GPR158: variants seen among roughly 807,000 people sequenced by gnomAD.
The protein encoded by GPR158 is G protein-coupled receptor 158, also known as metabotropic glycine receptor.
A neutral mutation model predicts 78.2 loss-of-function variants in GPR158; 30 were observed. The ratio of observed to expected loss-of-function variants is 0.38; its 90% CI spans 0.29 to 0.52. GPR158 has a LOEUF of 0.52. GPR158 is among the 20% of genes least tolerant of loss of function. The probability of loss-of-function intolerance (pLI) is 0.83; values close to 1 mark genes in which losing one functional copy is unlikely to be tolerated. For missense variants in GPR158, 1,463 were observed against 1,523.5 expected (o/e 0.96, Z 0.66); for synonymous variants, 581 against 591.1 (o/e 0.98, Z 0.25).
intron 5 of GPR158, among the ~76,000 whole-genome samples, chr10:25,511,446 T>G (rs1334550576): frequency 1.3e-5 from 2 of 152,202 alleles, no homozygotes; most frequent in African/African-American, 4.8e-5. Flanking sequence ...TATTAGTCCT[T>G]TGTCAGATGT....
At chr10:25,376,540 C>G (rs1323867487) in intron 2 of GPR158, among the ~76,000 whole-genome samples, 1 of 151,596 alleles carries the variant, frequency 6.6e-6, no homozygotes, top group Non-Finnish European at 1.5e-5. Context: ...GTGATTTAAA[C>G]CATACATATT....
intron 5 of GPR158, among the ~76,000 whole-genome samples, chr10:25,518,030 A>G (rs1836207078): frequency 1.0e-5 from 1 of 96,196 alleles, no homozygotes; most frequent in Non-Finnish European, 2.0e-5. Context: ...TAAACTATTG[A>G]TTATTGCCAC....
chr10:25,504,311 TG>T (rs1403381449), intron 5 of GPR158, among the ~76,000 whole-genome samples: 1 of 152,216 alleles, frequency 6.6e-6, no homozygotes, highest in Non-Finnish European at 1.5e-5. Context: ...AGTGAATTAG[TG>T]GGGCTGCCCA....
At chr10:25,192,553 G>A (rs1033697631) in intron 1 of GPR158, among the ~76,000 whole-genome samples, 1 of 152,032 alleles carries the variant, frequency 6.6e-6, no homozygotes, top group East Asian at 1.9e-4. Flanking sequence ...GTAACTCTGT[G>A]GCTCAATTCC....
At chr10:25,586,083 C>G (rs10764565) in intron 7 of GPR158, among the ~76,000 whole-genome samples, 44,329 of 151,994 alleles carry the variant, frequency 0.29, 6,924 homozygotes, top group East Asian at 0.49. Context: ...CGTCGTGTTA[C>G]ATATATATTA....
At chr10:25,490,483 C>T (rs1195471769) in intron 5 of GPR158, among the ~76,000 whole-genome samples, 2 of 120,196 alleles carry the variant, frequency 1.7e-5, no homozygotes, top group Non-Finnish European at 3.4e-5. Flanking sequence ...TGATATTCCC[C>T]TTCCTGTGTC....
chr10:25,563,028 G>T (rs1836878773), intron 6 of GPR158, among the ~76,000 whole-genome samples: 1 of 151,934 alleles, frequency 6.6e-6, no homozygotes, highest in South Asian at 2.1e-4. Flanking sequence ...ATTATATAAT[G>T]TCATTTTTTG....
chr10:25,229,051 A>C (rs1462472832), intron 2 of GPR158, among the ~76,000 whole-genome samples: 1 of 151,478 alleles, frequency 6.6e-6, no homozygotes, highest in African/African-American at 2.4e-5. Flanking sequence ...AAAAAAAAAA[A>C]GATGATTTGT....
rs112484804 is a variant in GPR158 at position 25,361,104 on chromosome 10, C to T, written c.1009-34807C>T. Among the ~76,000 whole-genome samples, 988 of 151,800 alleles carry T rather than the reference C, an allele frequency of 6.5e-3. 10 individuals are homozygous for T. The highest frequency in any genetic ancestry group is 0.022 in the African/African-American group (915 of 41,434). ...CTCTCTTTTTCCCCTTTCTCCTTGCCGCTGGTAATAACCATTCTACTACTT... is the reference window on the plus strand; with the variant it reads ...CTCTCTTTTTCCCCTTTCTCCTTGCTGCTGGTAATAACCATTCTACTACTT... On this transcript the variant is annotated intron_variant, in intron 2 of 10. Coordinates refer to ENST00000376351, the MANE Select transcript of GPR158 (RefSeq NM_020752.3).
intron 2 of GPR158, among the ~76,000 whole-genome samples, chr10:25,353,052 C>T (rs1265121235): frequency 6.6e-6 from 1 of 151,986 alleles, no homozygotes; most frequent in Non-Finnish European, 1.5e-5. Context: ...CTTAATATTA[C>T]AGTATTGCCG....
chr10:25,399,921 C>T (rs780512978), intron 3 of GPR158, among the ~76,000 whole-genome samples: 96 of 152,068 alleles, frequency 6.3e-4, no homozygotes, highest in Admixed American at 1.4e-3. Context: ...CCACATGTAG[C>T]CCTTGAACCA....
intron 1 of GPR158, among the ~76,000 whole-genome samples, chr10:25,192,764 T>TA (rs35751694): frequency 0.011 from 1,442 of 133,250 alleles, 9 homozygotes; most frequent in Middle Eastern, 0.023. Context: ...TGAAGTATAA[T>TA]AAAAAAAAGG....
intron 4 of GPR158, among the ~76,000 whole-genome samples, chr10:25,442,035 A>G (rs1835074922): frequency 6.6e-6 from 1 of 152,166 alleles, no homozygotes; most frequent in Admixed American, 6.6e-5. Context: ...AAGGAGCTAG[A>G]AGGACATTTT....
chr10:25,447,089 T>C, intron 4 of GPR158, among the ~76,000 whole-genome samples: 1 of 152,342 alleles, frequency 6.6e-6, no homozygotes, highest in East Asian at 1.9e-4. Flanking sequence ...AATAATTCAC[T>C]CATATCAATT....
chr10:25,570,596 A>G (rs1836992409), intron 6 of GPR158, among the ~76,000 whole-genome samples: 1 of 152,204 alleles, frequency 6.6e-6, no homozygotes. Context: ...TTTCCAAAGC[A>G]TTCAAGAGAG....
rs1356240464 is a variant in GPR158 at position 25,600,452 on chromosome 10, C to G, written c.*1178C>G. The stretch of plus-strand genomic sequence containing the variant: ...GCCTTTCAAAAAAAAACACAGGTAG[C>G]TCCTGATAGCACTTTCAAGGGATTA... On this transcript the variant is annotated 3_prime_UTR_variant, in exon 11 of 11. Transcript: ENST00000376351. 1 of 152,130 alleles carries G rather than the reference C, an allele frequency of 6.6e-6. No individual in the cohort carries two copies. The highest frequency in any genetic ancestry group is 1.5e-5 in the Non-Finnish European group (1 of 67,996). 9.4% of individuals were successfully genotyped at this position (152,130 alleles called of 1,614,324 possible). A position where few individuals can be genotyped will look rare whatever the true frequency, so the allele number is the denominator to read the frequency against.
intron 2 of GPR158, among the ~76,000 whole-genome samples, chr10:25,274,631 C>T (rs529515706): frequency 5.9e-5 from 9 of 152,202 alleles, no homozygotes; most frequent in East Asian, 1.9e-4. Context: ...TCCACACTTA[C>T]GATATATCTA....
At chr10:25,515,294 T>C (rs981532855) in intron 5 of GPR158, among the ~76,000 whole-genome samples, 1 of 152,138 alleles carries the variant, frequency 6.6e-6, no homozygotes, top group Non-Finnish European at 1.5e-5. Context: ...GCTGAGACTT[T>C]CCAGTGCATT....
intron 4 of GPR158, among the ~76,000 whole-genome samples, chr10:25,459,706 C>G (rs1032116657): frequency 6.6e-6 from 1 of 152,108 alleles, no homozygotes; most frequent in Non-Finnish European, 1.5e-5. Flanking sequence ...TGCTTATATC[C>G]CAGGCAAATC....
Sources: allele counts gnomAD v4.1 joint callset (sites outside exome capture counted in the v4.1 genomes callset), GRCh38; gene constraint gnomAD v4.1.1; transcripts MANE v1.5; gene names NCBI Gene and HGNC (gene_info 2026-07-23, HGNC 2026-07-21).